The following PDCD11 variants were observed in gnomAD, a reference collection of about 807,000 sequenced individuals.
PDCD11 encodes programmed cell death 11.
A neutral mutation model predicts 198.9 loss-of-function variants in PDCD11; 97 were observed. The observed-to-expected ratio is 0.49, with a 90% CI of 0.41 to 0.58. The LOEUF is 0.58. Among genes scored for constraint, PDCD11 ranks in the 20% least tolerant of loss-of-function variants. The probability of loss-of-function intolerance (pLI) is 0.00; values close to 1 mark genes in which losing one functional copy is unlikely to be tolerated. For missense variants in PDCD11, 2,102 were observed against 2,312.7 expected, an observed-to-expected ratio of 0.91 and a Z score of 1.87; for synonymous variants, 893 against 918.0, an observed-to-expected ratio of 0.97 and a Z score of 0.49.
intron 27 of PDCD11, 140 bp from the exon 28 acceptor site, chr10:103,439,606 A>G: frequency 1.1e-6 from 1 of 897,676 alleles, no homozygotes; most frequent in Non-Finnish European, 1.8e-6. Context: ...AGCCCACTTC[A>G]TCCTGCTGAA....
intron 34 of PDCD11, chr10:103,444,300 C>T: frequency 1.6e-6 from 1 of 624,632 alleles, no homozygotes; most frequent in Non-Finnish European, 2.8e-6. Context: ...CCCTGGGATC[C>T]CCCACCTCTT....
chr10:103,415,275 C>G (rs1282598146), intron 12 of PDCD11, 124 bp downstream of exon 12: 1 of 944,322 alleles, frequency 1.1e-6, no homozygotes, highest in African/African-American at 1.6e-5. Flanking sequence ...TGTGCTGTAC[C>G]TGGCATTGGG....
intron 23 of PDCD11, 70 bp downstream of exon 23, chr10:103,434,107 G>T: frequency 7.6e-7 from 1 of 1,322,280 alleles, no homozygotes; most frequent in Non-Finnish European, 1.1e-6. Context: ...CTGGTGTGTG[G>T]GTTTACAGTG....
At chr10:103,421,720 T>A (rs920443549) in intron 17 of PDCD11, among the ~76,000 whole-genome samples, 153 bp downstream of exon 17, 3 of 150,728 alleles carry the variant, frequency 2.0e-5, no homozygotes, top group Non-Finnish European at 4.4e-5. Context: ...ATCCCAGCAC[T>A]TTGGGAGGCC....
chr10:103,437,120 C>G (rs943847932), intron 25 of PDCD11, among the ~76,000 whole-genome samples: 1 of 152,160 alleles, frequency 6.6e-6, no homozygotes, highest in African/African-American at 2.4e-5. Context: ...CTCTGTGAGA[C>G]TTCCTTTTCT....
chr10:103,415,501 A>G (rs1275729157), intron 12 of PDCD11, among the ~76,000 whole-genome samples: 1 of 152,184 alleles, frequency 6.6e-6, no homozygotes, highest in East Asian at 1.9e-4. Flanking sequence ...ACTGCCACGA[A>G]CAGGTATTCC....
At chr10:103,444,762 C>T (rs1231294137) in intron 35 of PDCD11, 80 bp downstream of exon 35, 1 of 1,340,018 alleles carries the variant, frequency 7.5e-7, no homozygotes. Flanking sequence ...CTCTCAGCAT[C>T]CCAGTTCTCT....
In PDCD11 at chr10:103,438,027, G is replaced by A; in HGVS notation, c.3858G>A (p.Leu1286=). 6.2e-7 allele frequency: 1 copy of A among 1,613,476 alleles called. No individual in the cohort carries two copies. The highest frequency in any genetic ancestry group is 8.5e-7 in the Non-Finnish European group (1 of 1,179,496). Residue 1286 remains leucine, a synonymous_variant, in exon 26 of 36, where the codon CTG becomes CTA. Transcript: ENST00000369797. The stretch of plus-strand genomic sequence containing the variant: ...TGCCTTCATTCAGATGTTACATCCT[G>A]TCCACTGCAGACAACGTATTGACTT... ...VPQKVVRCYI[L]STADNVLTLS...
Position 103,445,880 on chromosome 10 carries a change from CGA to C in PDCD11, c.*333_*334del. ...GGAGCAAGAGTAGAGGGGCTATTCC[CGA>C]GGGTCCTGTGGTCAGGGTCCTGCTT... On this transcript the variant is annotated 3_prime_UTR_variant, in exon 36 of 36. Transcript: ENST00000369797. 4.0e-6 allele frequency: 1 copy of C among 249,252 alleles called. No homozygotes were observed. The highest frequency in any genetic ancestry group is 7.9e-6 in the Non-Finnish European group (1 of 127,356). 15.4% of individuals were successfully genotyped at this position (249,252 alleles called of 1,614,324 possible).
At position 103,422,721 on chromosome 10, in the gene PDCD11, A is replaced by G. The variant is rs536767811; in HGVS notation, c.2498-267A>G. On this transcript the variant is annotated intron_variant, in intron 17 of 35. Coordinates refer to ENST00000369797, the MANE Select transcript of PDCD11 (RefSeq NM_014976.2). ...GCTTGAGAGGGGACAGTGAAAATTC[A>G]GAAACCAAAGGAAAGCCTGTCTTCC... Among the ~76,000 whole-genome samples the G allele has an allele frequency of 6.6e-5, 10 of 152,314 alleles. No homozygotes were observed. In the East Asian group the frequency reaches 1.9e-3, roughly 29 times the overall value.
chr10:103,435,738 C>T (rs1592138573), intron 25 of PDCD11, among the ~76,000 whole-genome samples: 1 of 152,198 alleles, frequency 6.6e-6, no homozygotes, highest in Non-Finnish European at 1.5e-5. Context: ...GTCTCGAACT[C>T]CTGACCTCAG....
At chr10:103,443,410 G>C in intron 33 of PDCD11, 77 bp downstream of exon 33, 1 of 1,334,418 alleles carries the variant, frequency 7.5e-7, no homozygotes, top group East Asian at 2.5e-5. Context: ...GGGGTGCTGG[G>C]TCCAGTCCTG....
In PDCD11 at chr10:103,441,946, G is replaced by A. The variant is rs768487647; in HGVS notation, c.4678G>A (p.Glu1560Lys). The A allele has an allele frequency of 7.4e-6, 12 of 1,614,132 alleles. No individual in the cohort carries two copies. Among genetic ancestry groups the A allele is most frequent in the South Asian group, 3.3e-5 (3 of 91,090 alleles). The change falls in exon 31 of 36, where the codon GAG becomes AAG. Residue 1560 changes from glutamate (E) to lysine (K), a missense_variant. Coordinates refer to ENST00000369797, the MANE Select transcript of PDCD11 (RefSeq NM_014976.2). ...LPPLAESSDS[E>K]EDEKPHQATI... is the part of the protein sequence containing the mutation. The stretch of plus-strand genomic sequence containing the variant: ...ACCTCTAGCAGAGAGCTCAGACAGC[G>A]AGGAGGATGAGAAGCCACACCAAGC...
At chr10:103,434,066 G>A in intron 23 of PDCD11, 29 bp downstream of exon 23, 1 of 1,565,200 alleles carries the variant, frequency 6.4e-7, no homozygotes, top group Non-Finnish European at 8.8e-7. Context: ...CCTGGAGAGG[G>A]GACCCAAGTT....
At chr10:103,424,141 G>A (rs1592130749) in intron 19 of PDCD11, among the ~76,000 whole-genome samples, 4 of 152,298 alleles carry the variant, frequency 2.6e-5, no homozygotes, top group African/African-American at 9.6e-5. Context: ...CATCCCATGA[G>A]CCAAACAGCA....
intron 19 of PDCD11, 82 bp from the exon 20 acceptor site, chr10:103,424,902 G>C: frequency 6.6e-7 from 1 of 1,518,762 alleles, no homozygotes; most frequent in Non-Finnish European, 9.0e-7. Context: ...GGTTTCCTCA[G>C]CCACACCCTG....
At position 103,415,093 on chromosome 10, in the gene PDCD11, A is replaced by G. The variant is rs2031029931; in HGVS notation, c.1460A>G (p.Asp487Gly). ...CTGGTACCTCCCATGCACCTGGCTGACATCCTGATGAAGAATCCGGAGAAG... is the reference window on the plus strand; with the variant it reads ...CTGGTACCTCCCATGCACCTGGCTGGCATCCTGATGAAGAATCCGGAGAAG... ...RGLVPPMHLA[D>G]ILMKNPEKKY... The change falls in exon 12 of 36, where the codon GAC (aspartate) becomes GGC (glycine). Residue 487 changes from aspartate (D) to glycine (G), a missense_variant. Asp to Gly is a moderately conservative substitution (Grantham distance 94). Coordinates refer to ENST00000369797, the MANE Select transcript of PDCD11 (RefSeq NM_014976.2). 6.2e-7 allele frequency: 1 copy of G among 1,614,084 alleles called. No individual in the cohort carries two copies. The highest frequency in any genetic ancestry group is 1.7e-5 in the Admixed American group (1 of 60,008).
chr10:103,421,565 G>A lies in PDCD11; in HGVS notation c.2495G>A (p.Arg832Gln), dbSNP rs1319210626. 27 of 1,555,386 alleles carry A rather than the reference G, an allele frequency of 1.7e-5. No homozygotes were observed. The African/African-American group carries it at 2.3e-4, about 13-fold the overall frequency. ...LQGVRSLMSN[R>Q]DSVLIQTLAE... ...GGCGTGCGCAGCCTTATGAGCAACC[G>A]AGGTGGGGCACCTGTGGGGCAGGGG... is the stretch of plus-strand genomic sequence containing the variant. Residue 832 changes from arginine (R) to glutamine (Q), a missense_variant and splice_region_variant, in exon 17 of 36, where the codon CGA becomes CAA. By Grantham distance (43) the Arg-to-Gln change is conservative. Coordinates refer to ENST00000369797, the MANE Select transcript of PDCD11 (RefSeq NM_014976.2).
chr10:103,415,066 G>A lies in PDCD11; in HGVS notation c.1433G>A (p.Gly478Asp). ...MLVKVGEQMR[G>D]LVPPMHLADI... ...GTGAAGGTGGGCGAGCAGATGAGGG[G>A]CCTGGTACCTCCCATGCACCTGGCT... Residue 478 changes from glycine to aspartate, a missense_variant, in exon 12 of 36, where the codon GGC (glycine) becomes GAC (aspartate). Gly to Asp is a moderately conservative substitution (Grantham distance 94, BLOSUM62 -1). Transcript: ENST00000369797. 5 of 1,613,470 alleles carry A rather than the reference G, an allele frequency of 3.1e-6. No individual in the cohort carries two copies. The highest frequency in any genetic ancestry group is 4.2e-6 in the Non-Finnish European group (5 of 1,179,428).
Sources: gnomAD v4.1 joint callset for allele counts (sites outside exome capture counted in the v4.1 genomes callset) on GRCh38, gnomAD v4.1.1 for gene constraint, MANE v1.5 for transcripts, NCBI Gene and HGNC (gene_info 2026-07-23, HGNC 2026-07-21) for gene names.